The following FBN2 variants were observed in gnomAD, a reference collection of about 807,000 sequenced individuals.
The protein encoded by FBN2 is fibrillin 2.
A neutral mutation model predicts 355.6 loss-of-function variants in FBN2; 105 were observed. That is an observed-to-expected ratio of 0.30 (90% CI 0.25 to 0.35). The LOEUF (loss-of-function observed/expected upper bound fraction) is 0.35. FBN2 is among the 10% of genes least tolerant of loss of function. The pLI is 1.00. For missense variants in FBN2, 3,280 were observed against 3,758.7 expected, an observed-to-expected ratio of 0.87 and a Z score of 3.33; for synonymous variants, 1,350 against 1,301.2, an observed-to-expected ratio of 1.04 and a Z score of -0.81.
intron 7 of FBN2, among the ~76,000 whole-genome samples, chr5:128,430,328 T>G (rs1222556274): frequency 1.3e-5 from 2 of 152,176 alleles, no homozygotes; most frequent in Non-Finnish European, 2.9e-5. Context: ...AATTCTCTTA[T>G]GTTGTATTAT....
At chr5:128,487,327 T>C (rs1755364466) in intron 5 of FBN2, among the ~76,000 whole-genome samples, 1 of 152,154 alleles carries the variant, frequency 6.6e-6, no homozygotes, top group Non-Finnish European at 1.5e-5. Context: ...AAATTAACCT[T>C]TGTTTATTAA....
intron 8 of FBN2, among the ~76,000 whole-genome samples, chr5:128,400,758 A>G (rs1293759535): frequency 6.6e-6 from 1 of 152,230 alleles, no homozygotes; most frequent in Non-Finnish European, 1.5e-5. Flanking sequence ...CAATTCATGG[A>G]CCAAATACAG....
chr5:128,350,940 C>A lies in FBN2; in HGVS notation c.2740G>T (p.Ala914Ser), dbSNP rs370312107. ...DSRCEVNING[A>S]TLKSECCATL... ...GCACAGCATTCAGATTTCAGAGTGG[C>A]TCCATTAATATTCACCTCACAGCGG... is the stretch of plus-strand genomic sequence containing the variant. The change falls in exon 21 of 65, where the codon GCC becomes TCC. Residue 914 changes from alanine (A) to serine (S), a missense_variant. Physicochemically the swap from Ala to Ser is moderately conservative, Grantham distance 99 (BLOSUM62 1). This residue lies in a region of FBN2 where 2,284 missense variants were observed against 2,749.5 expected (regional missense o/e 0.83). Coordinates refer to ENST00000262464, the MANE Select transcript of FBN2 (RefSeq NM_001999.4). 2.5e-6 allele frequency: 4 copies of A among 1,614,158 alleles called. No individual in the cohort carries two copies. In the Admixed American group the frequency reaches 6.7e-5, roughly 27 times the overall value.
intron 32 of FBN2, among the ~76,000 whole-genome samples, chr5:128,331,455 C>T (rs999620088): frequency 1.1e-4 from 16 of 152,270 alleles, no homozygotes; most frequent in African/African-American, 3.9e-4. Flanking sequence ...ATGCACCAGA[C>T]AGAGGGTGAT....
intron 7 of FBN2, among the ~76,000 whole-genome samples, chr5:128,414,486 T>C (rs147870867): frequency 1.3e-3 from 191 of 152,304 alleles, no homozygotes; most frequent in Non-Finnish European, 2.2e-3. Flanking sequence ...CTAAATAATA[T>C]TCTATTGTAT....
intron 38 of FBN2, 76 bp downstream of exon 38, chr5:128,311,809 T>C: frequency 9.2e-7 from 1 of 1,081,500 alleles, no homozygotes; most frequent in Non-Finnish European, 1.4e-6. Flanking sequence ...TGCTCTGCCC[T>C]AGGTTTTCTG....
intron 5 of FBN2, among the ~76,000 whole-genome samples, chr5:128,481,658 T>TG (rs1203060375): frequency 6.6e-6 from 1 of 152,232 alleles, no homozygotes; most frequent in Non-Finnish European, 1.5e-5. Context: ...GTTGAGTATG[T>TG]GTCTCTGTTT....
rs1213071122 is a variant in FBN2 at position 128,290,824 on chromosome 5, G to A, written c.6353C>T (p.Ala2118Val). The A allele has an allele frequency of 1.9e-6, 3 of 1,613,946 alleles. No homozygotes were observed. The highest frequency in any genetic ancestry group is 2.5e-6 in the Non-Finnish European group (3 of 1,179,932). Residue 2118 changes from alanine to valine, a missense_variant, in exon 50 of 65, where the codon GCT becomes GTT. Coordinates refer to ENST00000262464, the MANE Select transcript of FBN2 (RefSeq NM_001999.4). ...FENGKCSVPK[A>V]FNTTKAKCCC... ...GCATTTTGCTTTTGTGGTGTTGAAA[G>A]CTTTGGGTACAGAACACTTTCCATT... is the stretch of plus-strand genomic sequence containing the variant.
At chr5:128,364,512 T>C in intron 18 of FBN2, 88 bp downstream of exon 18, 1 of 1,340,438 alleles carries the variant, frequency 7.5e-7, no homozygotes, top group African/African-American at 1.5e-5. Context: ...CAATTTTTAG[T>C]TTTAGTCATT....
chr5:128,259,354 T>G lies in FBN2; in HGVS notation c.*101A>C. The G allele has an allele frequency of 1.6e-6, 2 of 1,284,468 alleles. No homozygotes were observed. Among genetic ancestry groups the G allele is most frequent in the Non-Finnish European group, 1.1e-6 (1 of 886,748 alleles). 79.6% of individuals were successfully genotyped at this position (1,284,468 alleles called of 1,614,324 possible). On this transcript the variant is annotated 3_prime_UTR_variant, in exon 65 of 65. Transcript: ENST00000262464. ...AAGACAGGGAGGAAAGAAACAAGAG[T>G]TATTATTATTTTTCCTCTTTAAAAT...
chr5:128,424,267 A>G (rs552367522), intron 7 of FBN2, among the ~76,000 whole-genome samples: 15 of 152,288 alleles, frequency 9.8e-5, no homozygotes, highest in Admixed American at 6.5e-4. Flanking sequence ...CAAAAGGTCC[A>G]TCTGGTGACA....
In FBN2 at chr5:128,328,779, C is replaced by A. The variant is rs774883889; in HGVS notation, c.4388G>T (p.Gly1463Val). ...CAENINLCEN[G>V]QCLNVPGAYR... ...TGCACCCGGGACATTAAGGCACTGTCCGTTCTCACAGAGGTTTATGTTTTC... is the reference window on the plus strand; with the variant it reads ...TGCACCCGGGACATTAAGGCACTGTACGTTCTCACAGAGGTTTATGTTTTC... Residue 1463 changes from glycine (G) to valine (V), a missense_variant, in exon 34 of 65, where the codon GGA (glycine) becomes GTA (valine). Transcript: ENST00000262464. 1 of 1,614,142 alleles carries A rather than the reference C, an allele frequency of 6.2e-7. No individual in the cohort carries two copies. Among genetic ancestry groups the A allele is most frequent in the Non-Finnish European group, 8.5e-7 (1 of 1,180,006 alleles).
intron 5 of FBN2, among the ~76,000 whole-genome samples, chr5:128,496,811 A>G (rs1755667724): frequency 1.3e-5 from 2 of 151,838 alleles, no homozygotes; most frequent in African/African-American, 4.8e-5. Flanking sequence ...GTAAAATCCT[A>G]AATTATCCAT....
chr5:128,280,317 T>G lies in FBN2; in HGVS notation c.7013A>C (p.Asp2338Ala). ...ARRPDGEGCV[D>A]ENECRTKPGI... ...TGGCTTGGTCCTGCATTCATTTTCA[T>G]CTTTAGAAAAACAAACAATATGAAT... Residue 2338 changes from aspartate (D) to alanine (A), a missense_variant and splice_region_variant, in exon 56 of 65, where the codon GAT becomes GCT. Around this residue, in one of 6 missense-constraint regions of FBN2, gnomAD observed 2,284 missense variants for 2,749.5 expected, o/e 0.83. Transcript: ENST00000262464. The G allele has an allele frequency of 1.2e-6, 2 of 1,609,296 alleles. No homozygotes were observed. The highest frequency in any genetic ancestry group is 1.7e-6 in the Non-Finnish European group (2 of 1,176,094).
At chr5:128,416,723 T>C (rs1161291958) in intron 7 of FBN2, among the ~76,000 whole-genome samples, 1 of 152,166 alleles carries the variant, frequency 6.6e-6, no homozygotes, top group East Asian at 1.9e-4. Context: ...ATAGGAGGAT[T>C]TATTTCTGGG....
chr5:128,468,774 T>C (rs1366322583), intron 5 of FBN2, among the ~76,000 whole-genome samples: 2 of 152,234 alleles, frequency 1.3e-5, no homozygotes, highest in South Asian at 2.1e-4. Flanking sequence ...TTGAGCATTA[T>C]TGTTTATAGA....
At chr5:128,339,449 T>C (rs1022151382) in intron 25 of FBN2, among the ~76,000 whole-genome samples, 2 of 151,290 alleles carry the variant, frequency 1.3e-5, no homozygotes, top group African/African-American at 2.4e-5. Flanking sequence ...ACCCCATCTC[T>C]ACAAAAAAAA....
At chr5:128,341,431 C>T (rs1453976321) in intron 25 of FBN2, among the ~76,000 whole-genome samples, 1 of 152,200 alleles carries the variant, frequency 6.6e-6, no homozygotes, top group Non-Finnish European at 1.5e-5. Flanking sequence ...GATACTGTGA[C>T]ATGTCACCCA....
intron 11 of FBN2, among the ~76,000 whole-genome samples, chr5:128,390,664 C>T (rs1382515690): frequency 6.6e-6 from 1 of 152,164 alleles, no homozygotes; most frequent in Non-Finnish European, 1.5e-5. Context: ...AAAGTTTCTG[C>T]GTAGTTGTTT....
Sources: gnomAD v4.1 joint callset for allele counts (sites outside exome capture counted in the v4.1 genomes callset) on GRCh38, gnomAD v4.1.1 for gene constraint, gnomAD v4.1.1 regional missense constraint, MANE v1.5 for transcripts, NCBI Gene and HGNC (gene_info 2026-07-23, HGNC 2026-07-21) for gene names.